Variants in CAPRIN1 observed in about 807,000 individuals in gnomAD.
CAPRIN1 encodes caprin-1.
In CAPRIN1, 29 loss-of-function variants were observed where a neutral mutation model predicts 100.9. The observed-to-expected ratio is 0.29, with a 90% CI of 0.21 to 0.39. The LOEUF (loss-of-function observed/expected upper bound fraction) is 0.39. CAPRIN1 is among the 10% of genes least tolerant of loss of function. CAPRIN1 has a pLI of 1.00. For synonymous variants in CAPRIN1, 338 were observed against 307.5 expected (o/e 1.10, Z -1.04); for missense variants, 795 against 876.7 (o/e 0.91, Z 1.18).
chr11:34,077,306 GTT>G (rs1413575698), intron 6 of CAPRIN1, among the ~76,000 whole-genome samples: 8 of 152,278 alleles, frequency 5.3e-5, no homozygotes, highest in African/African-American at 1.7e-4. Flanking sequence ...GATAGGGACT[GTT>G]TGTTTTATGG....
rs1850911541 is a variant in CAPRIN1 at position 34,076,578 on chromosome 11, A to G, written c.624A>G (p.Glu208=). The G allele has an allele frequency of 6.2e-7, 1 of 1,613,926 alleles. No homozygotes were observed. The highest frequency in any genetic ancestry group is 1.1e-5 in the South Asian group (1 of 91,076). Residue 208 remains glutamate, a synonymous_variant, in exon 6 of 19, where the codon GAA becomes GAG. Transcript: ENST00000341394. ...DMSLRLNEQY[E]HASIHLWDLL... The stretch of plus-strand genomic sequence containing the variant: ...TTAAAAGGTTGAATGAACAGTATGA[A>G]CATGCCTCCATTCACCTGTGGGACC...
chr11:34,069,726 G>C (rs1429676322), intron 2 of CAPRIN1, among the ~76,000 whole-genome samples: 3 of 151,860 alleles, frequency 2.0e-5, no homozygotes, highest in Non-Finnish European at 2.9e-5. Flanking sequence ...TAGATGGTGT[G>C]AAATAGTTCA....
chr11:34,069,150 A>G (rs1850760145), intron 2 of CAPRIN1, among the ~76,000 whole-genome samples: 1 of 142,550 alleles, frequency 7.0e-6, no homozygotes, highest in South Asian at 2.2e-4. Flanking sequence ...AAACTTATTT[A>G]GTTTTTTTTT....
At chr11:34,090,435 T>G (rs2134130855) in intron 13 of CAPRIN1, 94 bp from the exon 14 acceptor site, 1 of 1,427,854 alleles carries the variant, frequency 7.0e-7, no homozygotes, top group East Asian at 2.3e-5. Flanking sequence ...ACATATAAGT[T>G]TGAGATTAAT....
chr11:34,089,380 TG>T lies in CAPRIN1; in HGVS notation c.1232-13del. 6.4e-7 allele frequency: 1 copy of T among 1,571,940 alleles called. No homozygotes were observed. The highest frequency in any genetic ancestry group is 8.7e-7 in the Non-Finnish European group (1 of 1,152,830). On this transcript the variant is annotated splice_polypyrimidine_tract_variant and intron_variant, in intron 11 of 18. Coordinates refer to ENST00000341394, the MANE Select transcript of CAPRIN1 (RefSeq NM_005898.5). ...TTAATTTTGTTTGACAAAAATGTTT[TG>T]GTCACCTTTGCAGTTCATTCTGAAT...
At chr11:34,087,364 C>G (rs1477778906) in intron 11 of CAPRIN1, among the ~76,000 whole-genome samples, 1 of 90,214 alleles carries the variant, frequency 1.1e-5, no homozygotes, top group Non-Finnish European at 2.0e-5. Flanking sequence ...GACGGAGTCT[C>G]GCTCTGTCGC....
chr11:34,065,368 C>T (rs982651703), intron 2 of CAPRIN1, among the ~76,000 whole-genome samples: 7 of 152,168 alleles, frequency 4.6e-5, no homozygotes, highest in Non-Finnish European at 1.0e-4. Context: ...TGTATTTGAA[C>T]GAGATGAGTG....
intron 2 of CAPRIN1, among the ~76,000 whole-genome samples, chr11:34,058,170 C>T (rs1251308749): frequency 6.6e-6 from 1 of 152,126 alleles, no homozygotes; most frequent in Non-Finnish European, 1.5e-5. Flanking sequence ...GAATCTTGCT[C>T]TGTCGCCCAG....
chr11:34,086,010 G>A, intron 9 of CAPRIN1, 54 bp from the exon 10 acceptor site: 1 of 1,507,140 alleles, frequency 6.6e-7, no homozygotes. Context: ...TGGTGGTAGT[G>A]AGTGGAGCTT....
At chr11:34,052,015 C>G (rs1415359301) in intron 1 of CAPRIN1, 144 bp downstream of exon 1, 2 of 145,090 alleles carry the variant, frequency 1.4e-5, no homozygotes, top group East Asian at 4.5e-4. Context: ...ATGCCCTTCT[C>G]TGCCCCCAAG....
In CAPRIN1 at chr11:34,051,765, C is replaced by G. The variant is rs886147434; in HGVS notation, c.-107C>G. 6.6e-6 allele frequency: 1 copy of G among 152,522 alleles called. No individual in the cohort carries two copies. The highest frequency in any genetic ancestry group is 2.1e-4 in the South Asian group (1 of 4,826). 9.4% of individuals were successfully genotyped at this position (152,522 alleles called of 1,614,324 possible). A position where few individuals can be genotyped will look rare whatever the true frequency, so the allele number is the denominator to read the frequency against. The stretch of plus-strand genomic sequence containing the variant: ...CGGCTCTCGGTGCAGCGGGACAGGG[C>G]GAAGCGGCCTGCGCCCACGGAGCGC... On this transcript the variant is annotated 5_prime_UTR_variant, in exon 1 of 19. Coordinates refer to ENST00000341394, the MANE Select transcript of CAPRIN1 (RefSeq NM_005898.5).
rs753864151 is a variant in CAPRIN1, at chr11:34,090,268, G to C, written c.1383G>C (p.Lys461Asn). The C allele has an allele frequency of 6.2e-7, 1 of 1,613,156 alleles. No homozygotes were observed. Among genetic ancestry groups the C allele is most frequent in the African/African-American group, 1.3e-5 (1 of 74,870 alleles). The change falls in exon 13 of 19, where the codon AAG becomes AAC. Residue 461 changes from lysine (K) to asparagine (N), a missense_variant. Lys to Asn is a moderately conservative substitution (Grantham distance 94). Coordinates refer to ENST00000341394, the MANE Select transcript of CAPRIN1 (RefSeq NM_005898.5). ...ATGCTACAGAGCAACGACCACAGAAGGAACCAATTGATCAGATTCAGGCAA... is the reference window on the plus strand; with the variant it reads ...ATGCTACAGAGCAACGACCACAGAACGAACCAATTGATCAGATTCAGGCAA... ...PSHATEQRPQ[K>N]EPIDQIQATI...
chr11:34,093,946 A>G (rs921032085), intron 15 of CAPRIN1, among the ~76,000 whole-genome samples: 1 of 141,400 alleles, frequency 7.1e-6, no homozygotes, highest in African/African-American at 2.6e-5. Context: ...ACTGATAAGT[A>G]CATGGATTGC....
At chr11:34,052,796 G>A in intron 2 of CAPRIN1, 160 bp downstream of exon 2, 1 of 1,444,038 alleles carries the variant, frequency 6.9e-7, no homozygotes, top group South Asian at 1.4e-5. Flanking sequence ...ACGTTCAGCG[G>A]GAGCTTCGTG....
At chr11:34,085,780 G>A (rs1851127894) in intron 9 of CAPRIN1, among the ~76,000 whole-genome samples, 2 of 152,094 alleles carry the variant, frequency 1.3e-5, no homozygotes, top group Non-Finnish European at 2.9e-5. Flanking sequence ...GTCCAGCCTG[G>A]GTTACAGAGC....
Position 34,101,996 on chromosome 11 carries a change from C to A in CAPRIN1, c.*2629C>A, listed in dbSNP as rs1410558062. 6.6e-6 allele frequency among the ~76,000 whole-genome samples: 1 copy of A among 152,048 alleles called. No individual in the cohort carries two copies. Among genetic ancestry groups the A allele is most frequent in the Non-Finnish European group, 1.5e-5 (1 of 67,980 alleles). ...ATGTTATTGATTACCTTGATTAGGGCAGTTTTATTTCCAGATCCTAATAAT... is the reference window on the plus strand; with the variant it reads ...ATGTTATTGATTACCTTGATTAGGGAAGTTTTATTTCCAGATCCTAATAAT... On this transcript the variant is annotated 3_prime_UTR_variant, in exon 19 of 19. Transcript: ENST00000341394.
chr11:34,074,073 C>A (rs1163922234), intron 4 of CAPRIN1, among the ~76,000 whole-genome samples: 1 of 152,170 alleles, frequency 6.6e-6, no homozygotes, highest in Non-Finnish European at 1.5e-5. Context: ...ACCCTCCCAA[C>A]ACTATTGCGT....
intron 2 of CAPRIN1, among the ~76,000 whole-genome samples, chr11:34,056,778 G>A (rs1042113555): frequency 6.6e-6 from 1 of 152,188 alleles, no homozygotes; most frequent in African/African-American, 2.4e-5. Context: ...TATATTCTTT[G>A]TGAATATAAT....
rs1389442730 is a variant in CAPRIN1 at position 34,082,848 on chromosome 11, A to C, written c.850A>C (p.Thr284Pro). The C allele has an allele frequency of 6.2e-7, 1 of 1,613,964 alleles. No homozygotes were observed. The highest frequency in any genetic ancestry group is 1.7e-5 in the Admixed American group (1 of 60,020). Residue 284 changes from threonine to proline, a missense_variant, in exon 8 of 19, where the codon ACT becomes CCT. Around this residue, in one of 3 missense-constraint regions of CAPRIN1, gnomAD observed 648 missense variants for 697.9 expected, o/e 0.93. Transcript: ENST00000341394. Reference protein sequence around the residue: ...EAEPEPAEEYTEQSEVESTEY... With the variant: ...EAEPEPAEEYPEQSEVESTEY... The stretch of plus-strand genomic sequence containing the variant: ...AGAACCTGAGCCAGCAGAAGAGTAC[A>C]CTGAGCAAAGTGAAGTTGAATCAAC...
Sources: gnomAD v4.1 joint callset for allele counts (sites outside exome capture counted in the v4.1 genomes callset) on GRCh38, gnomAD v4.1.1 for gene constraint, gnomAD v4.1.1 regional missense constraint, MANE v1.5 for transcripts, NCBI Gene and HGNC (gene_info 2026-07-23, HGNC 2026-07-21) for gene names.